The following MTUS2 variants were observed in gnomAD, a reference collection of about 807,000 sequenced individuals.
MTUS2 encodes microtubule-associated tumor suppressor candidate 2.
A neutral mutation model predicts 114.1 loss-of-function variants in MTUS2; 40 were observed. The observed-to-expected ratio is 0.35, with a 90% confidence interval of 0.27 to 0.46. The LOEUF (loss-of-function observed/expected upper bound fraction) is 0.46, where lower values mean the gene tolerates loss of function less well. Among genes scored for constraint, MTUS2 ranks in the 20% least tolerant of loss-of-function variants. MTUS2 has a pLI of 1.00. For synonymous variants in MTUS2, 688 were observed against 672.0 expected (o/e 1.02, Z -0.37); for missense variants, 1,679 against 1,705.4 (o/e 0.98, Z 0.27).
chr13:29,308,434 C>T (rs1899586979), intron 6 of MTUS2, among the ~76,000 whole-genome samples: 1 of 152,120 alleles, frequency 6.6e-6, no homozygotes. Flanking sequence ...AAATGTAAAA[C>T]TCAAAACTAT....
chr13:29,505,169 T>C lies in MTUS2; in HGVS notation c.*1963T>C, dbSNP rs1566245409. The C allele has an allele frequency of 4.3e-6, 1 of 231,948 alleles. No homozygotes were observed. The allele number at this position is 231,948 out of a possible 1,614,324, so 14.4% of individuals were successfully genotyped here. Reference sequence around the variant, plus strand: ...GCCACATTGACTAAATACACAAGTATTTATTCTAGTAGCAGGCACAACCTG... The same window carrying C: ...GCCACATTGACTAAATACACAAGTACTTATTCTAGTAGCAGGCACAACCTG... On this transcript the variant is annotated 3_prime_UTR_variant, in exon 16 of 16. Transcript: ENST00000612955.
chr13:29,210,647 C>G (rs771609233), intron 5 of MTUS2, among the ~76,000 whole-genome samples: 11 of 152,180 alleles, frequency 7.2e-5, no homozygotes, highest in Non-Finnish European at 1.5e-4. Context: ...CTCCCTTCCC[C>G]TAGGGATGGG....
intron 10 of MTUS2, chr13:29,482,404 T>C (rs548321509): frequency 6.6e-6 from 1 of 152,336 alleles, no homozygotes; most frequent in Admixed American, 6.5e-5. Context: ...AAAGAAGCCC[T>C]TGACTTTTCC....
intron 6 of MTUS2, among the ~76,000 whole-genome samples, chr13:29,315,029 A>G (rs992061722): frequency 3.9e-5 from 6 of 152,212 alleles, no homozygotes; most frequent in Admixed American, 3.9e-4. Context: ...GGCAACATGG[A>G]TGAGCTTGGA....
intron 4 of MTUS2, among the ~76,000 whole-genome samples, chr13:29,089,048 C>CA (rs1464218997): frequency 2.6e-5 from 4 of 152,236 alleles, no homozygotes; most frequent in Admixed American, 2.6e-4. Context: ...TTTATATTGC[C>CA]AGTGGGCTAT....
intron 11 of MTUS2, among the ~76,000 whole-genome samples, chr13:29,492,400 G>A (rs113630914): frequency 1.3e-5 from 2 of 151,716 alleles, no homozygotes; most frequent in East Asian, 3.9e-4. Context: ...GTTCATATGC[G>A]TTCTATCTGC....
At chr13:28,854,739 A>G (rs1056758009) in intron 2 of MTUS2, among the ~76,000 whole-genome samples, 22 of 152,196 alleles carry the variant, frequency 1.4e-4, no homozygotes, top group African/African-American at 5.3e-4. Context: ...AACCAGCTAT[A>G]TTCCGCTTTT....
chr13:29,344,872 CA>C (rs1868511336), intron 7 of MTUS2, among the ~76,000 whole-genome samples: 1 of 152,190 alleles, frequency 6.6e-6, no homozygotes, highest in South Asian at 2.1e-4. Flanking sequence ...CAAATTCTCT[CA>C]ACATTTGTTT....
intron 5 of MTUS2, among the ~76,000 whole-genome samples, chr13:29,257,420 A>G (rs533264993): frequency 1.1e-4 from 16 of 152,312 alleles, no homozygotes; most frequent in African/African-American, 3.8e-4. Context: ...CCTGAGCTGG[A>G]TTTTAATGAA....
chr13:29,356,119 G>A (rs779109004), intron 7 of MTUS2, among the ~76,000 whole-genome samples: 1 of 152,128 alleles, frequency 6.6e-6, no homozygotes, highest in Non-Finnish European at 1.5e-5. Flanking sequence ...ACTTCAAGCA[G>A]TGGGGAAGGA....
chr13:29,432,693 A>G (rs1236154685), intron 8 of MTUS2, among the ~76,000 whole-genome samples: 2 of 151,878 alleles, frequency 1.3e-5, no homozygotes, highest in Non-Finnish European at 2.9e-5. Flanking sequence ...TCACTGTCCA[A>G]CTCCTCTTGT....
chr13:28,866,146 A>G (rs1877283823), intron 2 of MTUS2, among the ~76,000 whole-genome samples: 1 of 152,084 alleles, frequency 6.6e-6, no homozygotes, highest in South Asian at 2.1e-4. Context: ...ATTAGCGAGA[A>G]GGTGTTTGCT....
chr13:28,972,636 G>A (rs1316694973), intron 2 of MTUS2, among the ~76,000 whole-genome samples: 1 of 152,174 alleles, frequency 6.6e-6, no homozygotes, highest in Non-Finnish European at 1.5e-5. Context: ...TAATGTCGCA[G>A]CCCCGAGTTC....
At chr13:29,039,478 G>C (rs1488921446) in intron 4 of MTUS2, among the ~76,000 whole-genome samples, 1 of 152,214 alleles carries the variant, frequency 6.6e-6, no homozygotes, top group Non-Finnish European at 1.5e-5. Flanking sequence ...CAGCTGCAGC[G>C]GGGGAGGGCA....
At chr13:29,344,243 G>GA in intron 7 of MTUS2, among the ~76,000 whole-genome samples, 1 of 151,106 alleles carries the variant, frequency 6.6e-6, no homozygotes, top group Non-Finnish European at 1.5e-5. Flanking sequence ...GCTGTCAGTG[G>GA]GTACTGAAGT....
intron 2 of MTUS2, among the ~76,000 whole-genome samples, chr13:29,023,061 A>G (rs1374389317): frequency 2.0e-5 from 3 of 152,356 alleles, no homozygotes; most frequent in South Asian, 4.1e-4. Context: ...AGGATGACCT[A>G]GTGAGGAACG....
intron 7 of MTUS2, 25 bp from the exon 8 acceptor site, chr13:29,359,237 C>T (rs773888764): frequency 1.2e-5 from 19 of 1,563,984 alleles, no homozygotes; most frequent in Middle Eastern, 1.7e-4. Context: ...CACAGGTGAC[C>T]GGGGTTTGGT....
intron 5 of MTUS2, among the ~76,000 whole-genome samples, chr13:29,201,240 A>G (rs549547293): frequency 2.6e-5 from 4 of 152,158 alleles, no homozygotes; most frequent in South Asian, 2.1e-4. Flanking sequence ...TTCTTGTTGC[A>G]TTGATCCCTT....
chr13:29,183,412 T>C (rs1894090896), intron 5 of MTUS2, among the ~76,000 whole-genome samples: 2 of 152,154 alleles, frequency 1.3e-5, no homozygotes, highest in African/African-American at 4.8e-5. Flanking sequence ...AAATCAGAAG[T>C]TCTGTTTCGG....
Sources: gnomAD v4.1 joint callset for allele counts (sites outside exome capture counted in the v4.1 genomes callset) on GRCh38, gnomAD v4.1.1 for gene constraint, MANE v1.5 for transcripts, NCBI Gene and HGNC (gene_info 2026-07-23, HGNC 2026-07-21) for gene names.